SETDB1: variants seen among roughly 807,000 people sequenced by gnomAD.
SETDB1 encodes the protein histone-lysine N-methyltransferase SETDB1.
SETDB1 carries 31 observed loss-of-function variants against 137.4 expected under a neutral mutation model. That is an observed-to-expected ratio of 0.23 (90% confidence interval 0.17 to 0.30). The LOEUF (loss-of-function observed/expected upper bound fraction) is 0.30, where lower values mean the gene tolerates loss of function less well. Ranked by LOEUF, SETDB1 falls within the 10% of genes least tolerant of loss-of-function variation. The probability of loss-of-function intolerance (pLI) is 1.00; values close to 1 mark genes in which losing one functional copy is unlikely to be tolerated. For synonymous variants in SETDB1, 548 were observed against 579.9 expected (o/e 0.95, Z 0.79); for missense variants, 1,113 against 1,631.5 (o/e 0.68, Z 5.47).
At chr1:150,932,722 T>G (rs1669799013) in intron 3 of SETDB1, among the ~76,000 whole-genome samples, 1 of 152,184 alleles carries the variant, frequency 6.6e-6, no homozygotes, top group South Asian at 2.1e-4. Context: ...TTTGTTCTTC[T>G]TTTTCTAGCC....
intron 3 of SETDB1, among the ~76,000 whole-genome samples, chr1:150,936,645 A>AGTTATATATATAC: frequency 6.6e-6 from 1 of 152,294 alleles, no homozygotes; most frequent in African/African-American, 2.4e-5. Context: ...TATATACTGT[A>AGTTATATATATAC]AGAGAGTCAC....
chr1:150,930,579 AG>A lies in SETDB1; in HGVS notation c.412+462del, dbSNP rs1669698937. 2.7e-5 allele frequency: 3 copies of A among 112,192 alleles called. No homozygotes were observed. In the South Asian group the frequency reaches 9.3e-4, roughly 35 times the overall value. The allele number at this position is 112,192 out of a possible 1,614,324, so 6.9% of individuals were successfully genotyped here. ...AGTCTCGCTCTGTTGCCCAGGCTGG[AG>A]TGCAGTGGCGCAATCTCAGCTCACT... On this transcript the variant is annotated intron_variant, in intron 3 of 21. Transcript: ENST00000692827.
chr1:150,935,974 T>A (rs1042887162), intron 3 of SETDB1, among the ~76,000 whole-genome samples: 1 of 152,146 alleles, frequency 6.6e-6, no homozygotes, highest in African/African-American at 2.4e-5. Context: ...TCCTGAGAGT[T>A]CCATATCCTA....
At position 150,962,610 on chromosome 1, in the gene SETDB1, A is replaced by T. The variant is rs1201839050; in HGVS notation, c.3185A>T (p.Tyr1062Phe). ...MSVVTESSRN[Y>F]GYNPSPVKPE... ...AGAGTTACTGAAAGCTCTCGAAATT[A>T]CGGTTACAATCCTTCTCCTGTGAAG... Residue 1062 changes from tyrosine to phenylalanine, a missense_variant, in exon 18 of 22, where the codon TAC (tyrosine) becomes TTC (phenylalanine). Transcript: ENST00000692827. 6.2e-7 allele frequency: 1 copy of T among 1,614,092 alleles called. No homozygotes were observed. Among genetic ancestry groups the T allele is most frequent in the Admixed American group, 1.7e-5 (1 of 60,018 alleles).
chr1:150,934,955 G>A (rs1669901463), intron 3 of SETDB1, among the ~76,000 whole-genome samples: 1 of 151,940 alleles, frequency 6.6e-6, no homozygotes, highest in Non-Finnish European at 1.5e-5. Flanking sequence ...CCAAGTAGTT[G>A]GGACTACAGG....
intron 5 of SETDB1, 27 bp downstream of exon 5, chr1:150,941,455 A>G (rs1314074110): frequency 6.0e-6 from 8 of 1,337,560 alleles, no homozygotes; most frequent in South Asian, 1.2e-5. Flanking sequence ...ACCTGGGTAC[A>G]GATGGGAGGT....
chr1:150,950,514 C>T lies in SETDB1; in HGVS notation c.1640C>T (p.Pro547Leu), dbSNP rs764757693. ...APAPSALPAP[P>L]APPVFHGMLE... ...GCACCCTCAGCACTCCCGGCCCCTC[C>T]AGCACCCCCAGTCTTCCATGGCATG... The change falls in exon 13 of 22, where the codon CCA becomes CTA. Residue 547 changes from proline to leucine, a missense_variant. Pro to Leu is a moderately conservative substitution (Grantham distance 98). This residue lies in a region of SETDB1 where 192 missense variants were observed against 198.1 expected (regional missense o/e 0.97). Coordinates refer to ENST00000692827, the MANE Select transcript of SETDB1 (RefSeq NM_001366418.1). 1 of 1,613,610 alleles carries T rather than the reference C, an allele frequency of 6.2e-7. No individual in the cohort carries two copies.
chr1:150,926,301 A>C (rs587678328), upstream of SETDB1: 9 of 190,458 alleles, frequency 4.7e-5, no homozygotes, highest in East Asian at 1.4e-3. Flanking sequence ...GCGGCTTTGG[A>C]TTTGACCCCG....
In SETDB1 at chr1:150,961,209, A is replaced by G. The variant is rs745657572; in HGVS notation, c.3132+18A>G. ...AGAAAGAGGTAAGCAGTGGCAGAAC[A>G]CTCTGAGAGCTATGGCTTTAACTTT... On this transcript the variant is annotated intron_variant, in intron 16 of 21. Transcript: ENST00000692827. 4 of 1,610,084 alleles carry G rather than the reference A, an allele frequency of 2.5e-6. No individual in the cohort carries two copies.
At chr1:150,961,841 G>A (rs370805071) in intron 16 of SETDB1, 50 of 436,744 alleles carry the variant, frequency 1.1e-4, no homozygotes, top group East Asian at 1.1e-3. Context: ...TCTCTTTGAT[G>A]ATTATGCTGC....
In SETDB1 at chr1:150,949,382, G is replaced by T. The variant is rs760649570; in HGVS notation, c.1440G>T (p.Gln480His). 2.5e-6 allele frequency: 4 copies of T among 1,614,232 alleles called. No homozygotes were observed. Among genetic ancestry groups the T allele is most frequent in the Non-Finnish European group, 2.5e-6 (3 of 1,180,034 alleles). Residue 480 changes from glutamine to histidine, a missense_variant, in exon 12 of 22, where the codon CAG (glutamine) becomes CAT (histidine). By Grantham distance (24) the Gln-to-His change is conservative. Coordinates refer to ENST00000692827, the MANE Select transcript of SETDB1 (RefSeq NM_001366418.1). ...AATCTCCTAGAAGCTTGGAAAGCCAGCTTGCCCAGTCACGGAAGCAGGTAG... is the reference window on the plus strand; with the variant it reads ...AATCTCCTAGAAGCTTGGAAAGCCATCTTGCCCAGTCACGGAAGCAGGTAG... ...QAGDSESLES[Q>H]LAQSRKQVAK...
chr1:150,959,950 G>A (rs1571660797), intron 15 of SETDB1, among the ~76,000 whole-genome samples: 1 of 152,146 alleles, frequency 6.6e-6, no homozygotes, highest in South Asian at 2.1e-4. Flanking sequence ...GTGGATGCCT[G>A]TAATCCCAGC....
chr1:150,932,918 C>G lies in SETDB1; in HGVS notation c.412+2800C>G, dbSNP rs191470059. On this transcript the variant is annotated intron_variant, in intron 3 of 21. Coordinates refer to ENST00000692827, the MANE Select transcript of SETDB1 (RefSeq NM_001366418.1). ...TTTTCAGCTTCATTAAACTTGGCAT[C>G]ATTTTTAATTTTCCTTGTGGTTGTT... 4.5e-4 allele frequency among the ~76,000 whole-genome samples: 69 copies of G among 152,194 alleles called. 1 individual carries two copies. The East Asian group carries it at 0.013, about 29-fold the overall frequency.
intron 14 of SETDB1, among the ~76,000 whole-genome samples, chr1:150,952,702 A>C (rs1670524865): frequency 6.6e-6 from 1 of 151,814 alleles, no homozygotes; most frequent in South Asian, 2.1e-4. Context: ...CAACATGGAG[A>C]AATCCCGTCT....
intron 9 of SETDB1, 22 bp downstream of exon 9, chr1:150,945,130 T>G (rs755771994): frequency 8.7e-6 from 14 of 1,613,798 alleles, no homozygotes; most frequent in Admixed American, 1.7e-5. Context: ...CTCTACAATT[T>G]TGGAGGCAGA....
chr1:150,949,178 G>A lies in SETDB1; in HGVS notation c.1324G>A (p.Gly442Arg), dbSNP rs1439099534. The A allele has an allele frequency of 2.5e-6, 4 of 1,614,020 alleles. No homozygotes were observed. Among genetic ancestry groups the A allele is most frequent in the Non-Finnish European group, 3.4e-6 (4 of 1,179,986 alleles). Reference sequence around the variant, plus strand: ...GTACACACAGGATCTGACCGGTACTGGAACCCAGTTCAAGCCAGTGGAACC... The same window carrying A: ...GTACACACAGGATCTGACCGGTACTAGAACCCAGTTCAAGCCAGTGGAACC... Reference protein sequence around the residue: ...VQYTQDLTGTGTQFKPVEPPQ... With the variant: ...VQYTQDLTGTRTQFKPVEPPQ... The change falls in exon 11 of 22, where the codon GGA becomes AGA. Residue 442 changes from glycine (G) to arginine (R), a missense_variant. Coordinates refer to ENST00000692827, the MANE Select transcript of SETDB1 (RefSeq NM_001366418.1).
rs1319942827 is a variant in SETDB1 at position 150,926,376 on chromosome 1, C to G, written c.-153C>G. 1 of 217,900 alleles carries G rather than the reference C, an allele frequency of 4.6e-6. No homozygotes were observed. Among genetic ancestry groups the G allele is most frequent in the African/African-American group, 2.4e-5 (1 of 41,968 alleles). The allele number at this position is 217,900 out of a possible 1,614,324, so 13.5% of individuals were successfully genotyped here. On this transcript the variant is annotated 5_prime_UTR_variant, in exon 1 of 22. Coordinates refer to ENST00000692827, the MANE Select transcript of SETDB1 (RefSeq NM_001366418.1). ...TTGCTTCCGGGCGTTTCTTTTGCTT[C>G]CCCTTCCCTCTTTCACGCTTCCTCC...
At position 150,939,975 on chromosome 1, in the gene SETDB1, G is replaced by T; in HGVS notation, c.447+1G>T. On this transcript the variant is annotated splice_donor_variant, in intron 4 of 21. Coordinates refer to ENST00000692827, the MANE Select transcript of SETDB1 (RefSeq NM_001366418.1). LOFTEE classifies it high-confidence loss of function. ...GAGCAGAACTCCAAAAGACCAGAAG[G>T]TAAGTTAGGATGGTAAGGGAAGGGT... 6.2e-7 allele frequency: 1 copy of T among 1,612,086 alleles called. No individual in the cohort carries two copies. Among genetic ancestry groups the T allele is most frequent in the Non-Finnish European group, 8.5e-7 (1 of 1,178,362 alleles).
intron 5 of SETDB1, 24 bp from the exon 6 acceptor site, chr1:150,942,539 A>T: frequency 6.2e-7 from 1 of 1,600,598 alleles, no homozygotes; most frequent in Non-Finnish European, 8.5e-7. Flanking sequence ...ATAACTCTTG[A>T]GAATAACTTT....
Sources: gnomAD v4.1 joint callset for allele counts (sites outside exome capture counted in the v4.1 genomes callset) on GRCh38, gnomAD v4.1.1 for gene constraint, gnomAD v4.1.1 regional missense constraint, MANE v1.5 for transcripts, NCBI Gene and HGNC (gene_info 2026-07-23, HGNC 2026-07-21) for gene names.